The following WEE2 variants were observed in gnomAD, a reference collection of about 807,000 sequenced individuals.
WEE2 encodes the protein WEE2 oocyte meiosis inhibiting kinase, also known as wee1-like protein kinase 2.
Under a neutral mutation model 60.1 loss-of-function variants are expected in WEE2, and 50 were observed. The ratio of observed to expected loss-of-function variants is 0.83; its 90% CI spans 0.66 to 1.05. The LOEUF (loss-of-function observed/expected upper bound fraction) is 1.05. Ranked by LOEUF, WEE2 falls within the 50% of genes least tolerant of loss-of-function variation. The probability of loss-of-function intolerance (pLI) is 0.00; values close to 1 mark genes in which losing one functional copy is unlikely to be tolerated. For synonymous variants in WEE2, 240 were observed against 241.0 expected (o/e 1.00, Z 0.04); for missense variants, 631 against 684.3 (o/e 0.92, Z 0.87).
intron 1 of WEE2, among the ~76,000 whole-genome samples, chr7:141,709,747 G>A (rs1798683070): frequency 6.6e-6 from 1 of 152,146 alleles, no homozygotes; most frequent in Non-Finnish European, 1.5e-5. Context: ...TTCTTCATAA[G>A]CTGAGGATGG....
At chr7:141,727,143 G>A in intron 9 of WEE2, 161 bp from the exon 10 acceptor site, 1 of 689,338 alleles carries the variant, frequency 1.5e-6, no homozygotes, top group Admixed American at 2.5e-5. Context: ...CAATCCTCCT[G>A]CCCCAGGTGG....
intron 11 of WEE2, 85 bp from the exon 12 acceptor site, chr7:141,730,210 T>C (rs1252315034): frequency 1.5e-6 from 2 of 1,310,916 alleles, no homozygotes; most frequent in Non-Finnish European, 2.2e-6. Context: ...GACACAATAA[T>C]TGGAAGCCAT....
At chr7:141,725,547 C>T (rs1798999702) in intron 9 of WEE2, among the ~76,000 whole-genome samples, 1 of 150,874 alleles carries the variant, frequency 6.6e-6, no homozygotes. Context: ...ATGTCTTGAA[C>T]CCAGGAGACA....
intron 1 of WEE2, among the ~76,000 whole-genome samples, chr7:141,710,415 C>T (rs1458265997): frequency 6.6e-6 from 1 of 152,212 alleles, no homozygotes; most frequent in Non-Finnish European, 1.5e-5. Flanking sequence ...GAAAACATGA[C>T]ATTCATTTGA....
intron 9 of WEE2, among the ~76,000 whole-genome samples, 196 bp downstream of exon 9, chr7:141,725,392 C>T (rs1230021932): frequency 6.6e-6 from 1 of 151,896 alleles, no homozygotes; most frequent in Non-Finnish European, 1.5e-5. Context: ...TTTGGGAGGC[C>T]GAGGAGGGTG....
intron 1 of WEE2, 135 bp from the exon 2 acceptor site, chr7:141,714,074 C>G: frequency 1.5e-6 from 1 of 653,874 alleles, no homozygotes; most frequent in Non-Finnish European, 2.6e-6. Context: ...ACAATGCAAC[C>G]AGTTCACATG....
At chr7:141,726,230 C>T (rs1385365342) in intron 9 of WEE2, among the ~76,000 whole-genome samples, 1 of 152,124 alleles carries the variant, frequency 6.6e-6, no homozygotes, top group Non-Finnish European at 1.5e-5. Context: ...ATTCCCAAAA[C>T]AGCCTTAGAA....
intron 5 of WEE2, among the ~76,000 whole-genome samples, chr7:141,722,056 T>G (rs1798921297): frequency 6.6e-6 from 1 of 152,174 alleles, no homozygotes; most frequent in South Asian, 2.1e-4. Context: ...TTTTTGTAAC[T>G]GCCAGTTAGA....
At chr7:141,710,339 C>G (rs1798690847) in intron 1 of WEE2, among the ~76,000 whole-genome samples, 1 of 152,066 alleles carries the variant, frequency 6.6e-6, no homozygotes, top group Non-Finnish European at 1.5e-5. Flanking sequence ...GAAAGTTGGT[C>G]CAGTTTTGAT....
In WEE2 at chr7:141,729,511, T is replaced by G; in HGVS notation, c.1536-20T>G. The stretch of plus-strand genomic sequence containing the variant: ...GACTGGAGATCAAGTAGCCTTTGCT[T>G]TTTCTCCCTCGCACTTCAGGGAACT... On this transcript the variant is annotated intron_variant, in intron 10 of 11. Transcript: ENST00000397541. 6.2e-7 allele frequency: 1 copy of G among 1,614,170 alleles called. No homozygotes were observed. The highest frequency in any genetic ancestry group is 8.5e-7 in the Non-Finnish European group (1 of 1,180,034).
rs1361622636 is a variant in WEE2 at position 141,730,337 on chromosome 7, C to G, written c.*17C>G. The G allele has an allele frequency of 6.2e-7, 1 of 1,612,444 alleles. No homozygotes were observed. Among genetic ancestry groups the G allele is most frequent in the East Asian group, 2.2e-5 (1 of 44,796 alleles). On this transcript the variant is annotated 3_prime_UTR_variant, in exon 12 of 12. Transcript: ENST00000397541. Reference sequence around the variant, plus strand: ...CTGCATTAAAGGAAGAAAAGGAAAACAGCCCTTGGTTTGGCCTATGGATTA... The same window carrying G: ...CTGCATTAAAGGAAGAAAAGGAAAAGAGCCCTTGGTTTGGCCTATGGATTA...
At chr7:141,728,868 T>G (rs1021788182) in intron 10 of WEE2, among the ~76,000 whole-genome samples, 28 of 152,210 alleles carry the variant, frequency 1.8e-4, no homozygotes, top group African/African-American at 6.8e-4. Context: ...CTAGGTTGTG[T>G]ACTCCTTCAA....
chr7:141,723,076 C>T, intron 5 of WEE2, 58 bp from the exon 6 acceptor site: 1 of 1,597,764 alleles, frequency 6.3e-7, no homozygotes, highest in Non-Finnish European at 8.5e-7. Flanking sequence ...ATTGTATTTA[C>T]TATGCTTTCA....
chr7:141,714,640 C>A (rs1798767270), intron 2 of WEE2, among the ~76,000 whole-genome samples: 1 of 152,146 alleles, frequency 6.6e-6, no homozygotes, highest in South Asian at 2.1e-4. Context: ...AAGGATAAGA[C>A]AGAATAAGCA....
chr7:141,714,095 A>G (rs1418669386), intron 1 of WEE2, 114 bp from the exon 2 acceptor site: 3 of 861,748 alleles, frequency 3.5e-6, no homozygotes, highest in Non-Finnish European at 5.4e-6. Flanking sequence ...GAACCAGATA[A>G]TTTCTAAGGC....
chr7:141,714,442 C>A, intron 2 of WEE2, 37 bp downstream of exon 2: 1 of 1,492,248 alleles, frequency 6.7e-7, no homozygotes, highest in Non-Finnish European at 9.1e-7. Flanking sequence ...TGAGAACTGA[C>A]CCTACTACAG....
At chr7:141,727,148 A>T (rs888519139) in intron 9 of WEE2, 156 bp from the exon 10 acceptor site, 3 of 709,402 alleles carry the variant, frequency 4.2e-6, no homozygotes, top group Admixed American at 2.5e-5. Flanking sequence ...CTCCTGCCCC[A>T]GGTGGAGCTC....
At chr7:141,716,998 A>T (rs1314303580) in intron 3 of WEE2, among the ~76,000 whole-genome samples, 1 of 152,230 alleles carries the variant, frequency 6.6e-6, no homozygotes, top group African/African-American at 2.4e-5. Context: ...CAAATGCCTG[A>T]TAATAGAAAA....
intron 1 of WEE2, among the ~76,000 whole-genome samples, chr7:141,712,373 C>T (rs1485928395): frequency 1.3e-5 from 2 of 152,146 alleles, no homozygotes; most frequent in South Asian, 2.1e-4. Flanking sequence ...TTTCCCTTAT[C>T]TCCCTCAATC....
Sources: gnomAD v4.1 joint callset for allele counts (sites outside exome capture counted in the v4.1 genomes callset) on GRCh38, gnomAD v4.1.1 for gene constraint, MANE v1.5 for transcripts, NCBI Gene and HGNC (gene_info 2026-07-23, HGNC 2026-07-21) for gene names.